PLAA: variants seen among roughly 807,000 people sequenced by gnomAD.
The protein encoded by PLAA is phospholipase A2 activating protein.
In PLAA, 48 loss-of-function variants were observed where a neutral mutation model predicts 84.1. The observed-to-expected ratio is 0.57, with a 90% CI of 0.45 to 0.73. The LOEUF (loss-of-function observed/expected upper bound fraction) is 0.73. Ranked by LOEUF, PLAA falls within the 30% of genes least tolerant of loss-of-function variation. The probability of loss-of-function intolerance (pLI) is 0.00; values close to 1 mark genes in which losing one functional copy is unlikely to be tolerated. For missense variants in PLAA, 903 were observed against 954.7 expected (o/e 0.95, Z 0.71); for synonymous variants, 392 against 336.6 (o/e 1.16, Z -1.80).
intron 1 of PLAA, among the ~76,000 whole-genome samples, chr9:26,943,808 C>T (rs1563922579): frequency 1.3e-5 from 2 of 151,890 alleles, no homozygotes; most frequent in Admixed American, 6.6e-5. Context: ...TAAAAATTAG[C>T]TGGGCATAGT....
chr9:26,911,521 C>A (rs1006623414), intron 11 of PLAA, among the ~76,000 whole-genome samples: 3 of 152,184 alleles, frequency 2.0e-5, no homozygotes, highest in Non-Finnish European at 4.4e-5. Context: ...ACTCCTGACT[C>A]AGGTGATCCG....
In PLAA at chr9:26,905,177, TTAAG is replaced by T. The variant is rs1824190105; in HGVS notation, c.*330_*333del. On this transcript the variant is annotated 3_prime_UTR_variant, in exon 14 of 14. Coordinates refer to ENST00000397292, the MANE Select transcript of PLAA (RefSeq NM_001031689.3). ...ATTGACAACAACAGTTTGGTGTACATTAAGTAATAAAAGCAAGTTATATGAGTAA... is the reference window on the plus strand; with the variant it reads ...ATTGACAACAACAGTTTGGTGTACATTAATAAAAGCAAGTTATATGAGTAA... 1 of 234,818 alleles carries T rather than the reference TTAAG, an allele frequency of 4.3e-6. No homozygotes were observed. The highest frequency in any genetic ancestry group is 8.3e-6 in the Non-Finnish European group (1 of 120,086). 14.5% of individuals were successfully genotyped at this position (234,818 alleles called of 1,614,324 possible). A position where few individuals can be genotyped will look rare whatever the true frequency, so the allele number is the denominator to read the frequency against.
At position 26,932,501 on chromosome 9, in the gene PLAA, T is replaced by C. The variant is rs113438209; in HGVS notation, c.343+2512A>G. 3.3e-3 allele frequency among the ~76,000 whole-genome samples: 501 copies of C among 152,378 alleles called. 6 individuals are homozygous for C. The highest frequency in any genetic ancestry group is 0.011 in the African/African-American group (477 of 41,594). On this transcript the variant is annotated intron_variant, in intron 2 of 13. Coordinates refer to ENST00000397292, the MANE Select transcript of PLAA (RefSeq NM_001031689.3). Reference sequence around the variant, plus strand: ...TGCTCATTCATTTATTTACTGTCTATAGCTGCTGTGCACTACAACTGCAGA... The same window carrying C: ...TGCTCATTCATTTATTTACTGTCTACAGCTGCTGTGCACTACAACTGCAGA...
chr9:26,936,269 T>C (rs1356194078), intron 1 of PLAA, among the ~76,000 whole-genome samples: 1 of 151,856 alleles, frequency 6.6e-6, no homozygotes, highest in Non-Finnish European at 1.5e-5. Flanking sequence ...AATACATGAA[T>C]ACAACTTTGA....
chr9:26,924,513 CTCT>C (rs2091969734), intron 6 of PLAA, among the ~76,000 whole-genome samples: 1 of 152,112 alleles, frequency 6.6e-6, no homozygotes, highest in South Asian at 2.1e-4. Context: ...CCTTTATTTC[CTCT>C]TATTTGCCTT....
intron 2 of PLAA, among the ~76,000 whole-genome samples, chr9:26,933,726 T>C (rs1490378921): frequency 6.7e-6 from 1 of 148,254 alleles, no homozygotes; most frequent in Non-Finnish European, 1.5e-5. Context: ...GAGGCAGAGC[T>C]TGCAGTGAGC....
chr9:26,911,873 T>A (rs192615563), intron 11 of PLAA, among the ~76,000 whole-genome samples: 152 of 151,912 alleles, frequency 1.0e-3, no homozygotes, highest in African/African-American at 3.5e-3. Flanking sequence ...TAGAAAGGGA[T>A]GAAGGTAGAT....
intron 8 of PLAA, among the ~76,000 whole-genome samples, chr9:26,919,987 T>C (rs550293411): frequency 1.3e-5 from 2 of 152,342 alleles, no homozygotes; most frequent in East Asian, 3.9e-4. Flanking sequence ...GAACAGCTTT[T>C]GTATAGAAAC....
chr9:26,935,039 T>C lies in PLAA; in HGVS notation c.317A>G (p.Tyr106Cys), dbSNP rs563889794. 8 of 1,600,536 alleles carry C rather than the reference T, an allele frequency of 5.0e-6. No individual in the cohort carries two copies. The African/African-American group carries it at 6.7e-5, about 13-fold the overall frequency. The change falls in exon 2 of 14, where the codon TAT (tyrosine) becomes TGT (cysteine). Residue 106 changes from tyrosine to cysteine, a missense_variant. Physicochemically the swap from Tyr to Cys is radical, Grantham distance 194. Coordinates refer to ENST00000397292, the MANE Select transcript of PLAA (RefSeq NM_001031689.3). ...AGTATTTTTGTGGCCTTTTAGAATA[T>C]AAAGTGGCATTGGACTGTCCAGTGA... ...IFSLDSPMPL[Y>C]ILKGHKNTVC...
In PLAA at chr9:26,946,935, C is replaced by A; in HGVS notation, c.111G>T (p.Val37=). ...AGAGGCGGGTGGTGCGGTCTCGGGA[C>A]ACGGACACAAAGGCTCCCGGCGGAT... ...CAYPPGAFVS[V]SRDRTTRLWA... is the part of the protein sequence containing the mutation. Residue 37 remains valine, a synonymous_variant, in exon 1 of 14, where the codon GTG becomes GTT. Coordinates refer to ENST00000397292, the MANE Select transcript of PLAA (RefSeq NM_001031689.3). 1 of 1,583,622 alleles carries A rather than the reference C, an allele frequency of 6.3e-7. No homozygotes were observed. Among genetic ancestry groups the A allele is most frequent in the Non-Finnish European group, 8.6e-7 (1 of 1,164,526 alleles).
rs192169047 is a variant in PLAA at position 26,925,712 on chromosome 9, C to T, written c.869+113G>A. 1.7e-5 allele frequency: 14 copies of T among 816,424 alleles called. No homozygotes were observed. In the Admixed American group the frequency reaches 2.5e-4, roughly 15 times the overall value. 50.6% of individuals were successfully genotyped at this position (816,424 alleles called of 1,614,324 possible). Reference sequence around the variant, plus strand: ...CTGTTTTGTTTAGTAATTGAAGTGTCCATATAGTCTCCTCAAGTCACGTGA... The same window carrying T: ...CTGTTTTGTTTAGTAATTGAAGTGTTCATATAGTCTCCTCAAGTCACGTGA... On this transcript the variant is annotated intron_variant, in intron 6 of 13. Transcript: ENST00000397292.
intron 11 of PLAA, among the ~76,000 whole-genome samples, chr9:26,911,496 T>A (rs758993753): frequency 1.3e-5 from 2 of 152,076 alleles, no homozygotes; most frequent in Non-Finnish European, 2.9e-5. Flanking sequence ...ACCATGTTGG[T>A]TGGGCTGGTC....
At chr9:26,942,740 G>A (rs1724222297) in intron 1 of PLAA, among the ~76,000 whole-genome samples, 1 of 151,934 alleles carries the variant, frequency 6.6e-6, no homozygotes, top group Non-Finnish European at 1.5e-5. Flanking sequence ...AAATTAGCCG[G>A]GCGCCGTGGC....
intron 10 of PLAA, among the ~76,000 whole-genome samples, chr9:26,915,032 G>A (rs1824506047): frequency 6.6e-6 from 1 of 151,982 alleles, no homozygotes; most frequent in Admixed American, 6.6e-5. Flanking sequence ...GACCAACATG[G>A]ATAAACCCTG....
intron 6 of PLAA, among the ~76,000 whole-genome samples, chr9:26,924,934 C>A (rs1001354137): frequency 6.6e-6 from 1 of 152,192 alleles, no homozygotes; most frequent in African/African-American, 2.4e-5. Context: ...GGCTCACCAC[C>A]ACTGCAGACC....
chr9:26,946,469 T>C (rs1825718121), intron 1 of PLAA, among the ~76,000 whole-genome samples: 1 of 149,434 alleles, frequency 6.7e-6, no homozygotes, highest in Non-Finnish European at 1.5e-5. Flanking sequence ...AACTAAAGTC[T>C]TCAAAAATTA....
rs1824165991 is a variant in PLAA, at chr9:26,904,343, T to C, written c.*1168A>G. ...AGATCTTTCCCACTTTTGAAAATAG[T>C]TACGCTTCTCTCAAGAAACTGGGTT... On this transcript the variant is annotated 3_prime_UTR_variant, in exon 14 of 14. Coordinates refer to ENST00000397292, the MANE Select transcript of PLAA (RefSeq NM_001031689.3). 6.6e-6 allele frequency: 1 copy of C among 152,166 alleles called. No individual in the cohort carries two copies. Among genetic ancestry groups the C allele is most frequent in the Non-Finnish European group, 1.5e-5 (1 of 68,000 alleles). The allele number at this position is 152,166 out of a possible 1,614,324, so 9.4% of individuals were successfully genotyped here.
At chr9:26,924,875 C>A (rs1016303855) in intron 6 of PLAA, among the ~76,000 whole-genome samples, 2 of 152,116 alleles carry the variant, frequency 1.3e-5, no homozygotes, top group African/African-American at 4.8e-5. Flanking sequence ...AGCCTCAGTT[C>A]TTATACTAAG....
In PLAA at chr9:26,905,841, A is replaced by C; in HGVS notation, c.2058T>G (p.His686Gln). 6.2e-7 allele frequency: 1 copy of C among 1,614,184 alleles called. No homozygotes were observed. The highest frequency in any genetic ancestry group is 8.5e-7 in the Non-Finnish European group (1 of 1,180,026). Reference protein sequence around the residue: ...MMSQRESLMSHAIELKSGSNK... With the variant: ...MMSQRESLMSQAIELKSGSNK... ...TGCTCCCTGATTTCAGTTCTATTGC[A>C]TGGGACATCAGTGATTCCCTCTGGG... The change falls in exon 14 of 14, where the codon CAT becomes CAG. Residue 686 changes from histidine (H) to glutamine (Q), a missense_variant. Coordinates refer to ENST00000397292, the MANE Select transcript of PLAA (RefSeq NM_001031689.3).
Sources: allele counts gnomAD v4.1 joint callset (sites outside exome capture counted in the v4.1 genomes callset), GRCh38; gene constraint gnomAD v4.1.1; transcripts MANE v1.5; gene names NCBI Gene and HGNC (gene_info 2026-07-23, HGNC 2026-07-21).